SEL1L: variants seen among roughly 807,000 people sequenced by gnomAD.
The protein encoded by SEL1L is protein sel-1 homolog 1.
A neutral mutation model predicts 109.8 loss-of-function variants in SEL1L; 52 were observed. That is an observed-to-expected ratio of 0.47 (90% CI 0.38 to 0.60). SEL1L has a LOEUF of 0.60. SEL1L is among the 20% of genes least tolerant of loss of function. The pLI is 0.00. For missense variants in SEL1L, 749 were observed against 962.2 expected (o/e 0.78, Z 2.93); for synonymous variants, 373 against 339.6 (o/e 1.10, Z -1.08).
At chr14:81,500,404 C>T (rs1450563239) in intron 6 of SEL1L, among the ~76,000 whole-genome samples, 1 of 151,512 alleles carries the variant, frequency 6.6e-6, no homozygotes, top group Non-Finnish European at 1.5e-5. Flanking sequence ...AGCTAATTTC[C>T]TTTTTGTATT....
At chr14:81,529,945 A>G (rs1220114704) in intron 1 of SEL1L, among the ~76,000 whole-genome samples, 2 of 152,242 alleles carry the variant, frequency 1.3e-5, no homozygotes, top group East Asian at 3.8e-4. Flanking sequence ...TCAAGCAACA[A>G]GAAAAAAATG....
At position 81,505,058 on chromosome 14, in the gene SEL1L, T is replaced by C. The variant is rs1180358427; in HGVS notation, c.509-752A>G. Among the ~76,000 whole-genome samples the C allele has an allele frequency of 2.6e-5, 4 of 152,238 alleles. No individual in the cohort carries two copies. The East Asian group carries it at 5.8e-4, about 22-fold the overall frequency. ...AGTGTGAGAATGGACTAACACAATA[T>C]GCCAAGGTCAGCTAAAATAAGGTCA... On this transcript the variant is annotated intron_variant, in intron 4 of 20. Transcript: ENST00000336735.
chr14:81,488,891 C>A, intron 14 of SEL1L: 1 of 263,166 alleles, frequency 3.8e-6, no homozygotes, highest in Non-Finnish European at 7.3e-6. Flanking sequence ...GAAAGCTTTC[C>A]TCCTCCTCAA....
intron 19 of SEL1L, among the ~76,000 whole-genome samples, chr14:81,483,688 T>TA (rs1322808846): frequency 3.3e-5 from 5 of 152,186 alleles, no homozygotes; most frequent in Non-Finnish European, 5.9e-5. Context: ...TGTTAATGCT[T>TA]AAAATAGCTG....
chr14:81,486,464 G>T lies in SEL1L; in HGVS notation c.1633-10C>A. 6.2e-7 allele frequency: 1 copy of T among 1,608,700 alleles called. No homozygotes were observed. Among genetic ancestry groups the T allele is most frequent in the Admixed American group, 1.7e-5 (1 of 59,066 alleles). On this transcript the variant is annotated splice_polypyrimidine_tract_variant and intron_variant, in intron 16 of 20. Transcript: ENST00000336735. ...ATACATTCTTAAACAACTGTGTGAG[G>T]TGGGGAAAAAAAATATCAGTAGAAG...
At chr14:81,492,628 G>C in intron 11 of SEL1L, 80 bp from the exon 12 acceptor site, 3 of 961,990 alleles carry the variant, frequency 3.1e-6, no homozygotes, top group Non-Finnish European at 4.7e-6. Context: ...ATTATTTCAG[G>C]AACATTTAAA....
At chr14:81,532,191 A>G (rs1885353646) in intron 1 of SEL1L, among the ~76,000 whole-genome samples, 1 of 152,244 alleles carries the variant, frequency 6.6e-6, no homozygotes, top group Non-Finnish European at 1.5e-5. Context: ...AATTTTCTTT[A>G]AACTCTGCCA....
intron 3 of SEL1L, among the ~76,000 whole-genome samples, chr14:81,508,236 A>G (rs1167825621): frequency 6.6e-6 from 1 of 152,220 alleles, no homozygotes; most frequent in Non-Finnish European, 1.5e-5. Context: ...CAAATGGTTT[A>G]CACCAGGTAA....
Position 81,490,457 on chromosome 14 carries a change from C to T in SEL1L, c.1263G>A (p.Ser421=), listed in dbSNP as rs61761862. The T allele has an allele frequency of 2.5e-3, 3,976 of 1,612,894 alleles. 20 individuals are homozygous for T. Among genetic ancestry groups the T allele is most frequent in the African/African-American group, 0.016 (1,205 of 74,990 alleles). The part of the protein sequence containing the change: ...HAMAFLGKMY[S]EGSDIVPQSN... ...TCTGAGGTACAATGTCACTTCCTTCCGAATACATCTGGAAAACAGATCCCA... is the reference window on the plus strand; with the variant it reads ...TCTGAGGTACAATGTCACTTCCTTCTGAATACATCTGGAAAACAGATCCCA... The change falls in exon 13 of 21, where the codon TCG becomes TCA. Residue 421 remains serine, a synonymous_variant. Transcript: ENST00000336735.
chr14:81,472,615 AAAT>A lies in SEL1L; in HGVS notation c.*4354_*4356del, dbSNP rs1400760670. Reference sequence around the variant, plus strand: ...GGCAATGCATAAACAAACTTTAGATAAATAATATTATAATCAGGCTAAAGTGAA... The same window carrying A: ...GGCAATGCATAAACAAACTTTAGATAAATATTATAATCAGGCTAAAGTGAA... On this transcript the variant is annotated 3_prime_UTR_variant, in exon 21 of 21. Coordinates refer to ENST00000336735, the MANE Select transcript of SEL1L (RefSeq NM_005065.6). 4.4e-6 allele frequency: 2 copies of A among 453,182 alleles called. No individual in the cohort carries two copies. Among genetic ancestry groups the A allele is most frequent in the African/African-American group, 4.0e-5 (2 of 49,564 alleles). 28.1% of individuals were successfully genotyped at this position (453,182 alleles called of 1,614,324 possible).
At chr14:81,498,076 G>A (rs1178546468) in intron 9 of SEL1L, 30 bp from the exon 10 acceptor site, 2 of 1,589,072 alleles carry the variant, frequency 1.3e-6, no homozygotes, top group East Asian at 2.2e-5. Context: ...CAATAAGGTG[G>A]AGGAAAATCA....
At chr14:81,485,411 G>C (rs2139991015) in intron 18 of SEL1L, among the ~76,000 whole-genome samples, 1 of 151,868 alleles carries the variant, frequency 6.6e-6, no homozygotes, top group Admixed American at 6.6e-5. Context: ...GAGTAGCTGG[G>C]ATTACAGGAG....
rs572031526 is a variant in SEL1L at position 81,510,684 on chromosome 14, T to C, written c.341-4443A>G. On this transcript the variant is annotated intron_variant, in intron 3 of 20. Coordinates refer to ENST00000336735, the MANE Select transcript of SEL1L (RefSeq NM_005065.6). ...ATTTTAAGAACTTTTACAGTTTACA[T>C]AGGTGATATTTAAATAAGAAAATTA... 6.6e-5 allele frequency among the ~76,000 whole-genome samples: 10 copies of C among 152,294 alleles called. No individual in the cohort carries two copies. In the South Asian group the frequency reaches 1.7e-3, roughly 25 times the overall value.
intron 17 of SEL1L, 128 bp downstream of exon 17, chr14:81,486,161 G>C: frequency 1.1e-6 from 1 of 893,348 alleles, no homozygotes; most frequent in Non-Finnish European, 1.7e-6. Context: ...ACTTAAGCCT[G>C]TGTGTTCAGT....
intron 3 of SEL1L, among the ~76,000 whole-genome samples, chr14:81,521,555 G>A (rs1226413352): frequency 2.6e-5 from 4 of 152,262 alleles, no homozygotes; most frequent in Admixed American, 6.5e-5. Context: ...TTATATCGCT[G>A]ACAAATTCCT....
At chr14:81,495,480 T>C (rs557750432) in intron 10 of SEL1L, among the ~76,000 whole-genome samples, 16 of 151,926 alleles carry the variant, frequency 1.1e-4, no homozygotes, top group African/African-American at 3.6e-4. Flanking sequence ...CACAAAAAAA[T>C]AGAAAAATTA....
chr14:81,529,216 A>G (rs1038660358), intron 1 of SEL1L, among the ~76,000 whole-genome samples: 31 of 152,144 alleles, frequency 2.0e-4, no homozygotes, highest in Non-Finnish European at 5.9e-5. Flanking sequence ...TATTACCCAA[A>G]GCCCAATTTC....
intron 12 of SEL1L, among the ~76,000 whole-genome samples, chr14:81,491,721 T>C (rs1885598): frequency 0.39 from 58,880 of 152,150 alleles, 13,146 homozygotes; most frequent in East Asian, 0.55. Flanking sequence ...TTCCATGACA[T>C]ATGGAATTTA....
At chr14:81,495,708 G>A (rs1238414265) in intron 10 of SEL1L, among the ~76,000 whole-genome samples, 1 of 152,100 alleles carries the variant, frequency 6.6e-6, no homozygotes, top group East Asian at 1.9e-4. Context: ...AAGCTGAGGT[G>A]GGTGGATCAT....
Sources: allele counts gnomAD v4.1 joint callset (sites outside exome capture counted in the v4.1 genomes callset), GRCh38; gene constraint gnomAD v4.1.1; transcripts MANE v1.5; gene names NCBI Gene and HGNC (gene_info 2026-07-23, HGNC 2026-07-21).